LRP1B: variants seen among roughly 807,000 people sequenced by gnomAD.
LRP1B encodes low-density lipoprotein receptor-related protein 1B.
A neutral mutation model predicts 556.6 loss-of-function variants in LRP1B; 217 were observed. That is an observed-to-expected ratio of 0.39 (90% CI 0.35 to 0.44). The LOEUF (loss-of-function observed/expected upper bound fraction) is 0.44, where lower values mean the gene tolerates loss of function less well. LRP1B is among the 20% of genes least tolerant of loss of function. LRP1B has a pLI of 1.00. For missense variants in LRP1B, 5,053 were observed against 5,620.8 expected (o/e 0.90, Z 3.23); for synonymous variants, 2,047 against 1,865.8 (o/e 1.10, Z -2.50).
At chr2:141,187,048 A>C (rs1040959039) in intron 7 of LRP1B, among the ~76,000 whole-genome samples, 4 of 152,092 alleles carry the variant, frequency 2.6e-5, no homozygotes, top group Non-Finnish European at 4.4e-5. Flanking sequence ...ATTTCTCAAC[A>C]GGATGCCAAA....
intron 8 of LRP1B, among the ~76,000 whole-genome samples, chr2:141,059,876 C>T (rs1461403019): frequency 6.6e-6 from 1 of 151,730 alleles, no homozygotes; most frequent in Non-Finnish European, 1.5e-5. Flanking sequence ...GGCACCTTGC[C>T]TTTGGCTACT....
intron 3 of LRP1B, among the ~76,000 whole-genome samples, chr2:141,293,254 T>C (rs952589985): frequency 1.3e-5 from 2 of 152,146 alleles, no homozygotes; most frequent in African/African-American, 2.4e-5. Flanking sequence ...AACAAGTAGG[T>C]TGATATGACT....
intron 1 of LRP1B, among the ~76,000 whole-genome samples, chr2:142,009,612 G>A (rs965671680): frequency 3.3e-5 from 5 of 152,064 alleles, no homozygotes; most frequent in African/African-American, 4.8e-5. Context: ...AGCACACGCC[G>A]ATATATCTAA....
intron 4 of LRP1B, among the ~76,000 whole-genome samples, chr2:141,252,553 C>T (rs995833376): frequency 3.3e-5 from 5 of 152,162 alleles, no homozygotes; most frequent in Non-Finnish European, 5.9e-5. Flanking sequence ...TTGGTAAAGT[C>T]TGTCCCTGAT....
chr2:141,185,683 C>CAAAAAAAAAAAAAAAAAAAAAAA (rs148935362), intron 7 of LRP1B, among the ~76,000 whole-genome samples: 19 of 74,282 alleles, frequency 2.6e-4, no homozygotes, highest in East Asian at 5.6e-4. Flanking sequence ...GAAAAACAAA[C>CAAAAAAAAAAAAAAAAAAAAAAA]AAACAAAAAA....
chr2:141,449,856 CCT>C (rs1484972720), intron 3 of LRP1B, among the ~76,000 whole-genome samples: 1 of 152,102 alleles, frequency 6.6e-6, no homozygotes, highest in Non-Finnish European at 1.5e-5. Flanking sequence ...CAGATAATTA[CCT>C]GTTGTTGGAG....
At chr2:141,099,552 C>T (rs1021104219) in intron 7 of LRP1B, among the ~76,000 whole-genome samples, 1 of 152,190 alleles carries the variant, frequency 6.6e-6, no homozygotes, top group Non-Finnish European at 1.5e-5. Flanking sequence ...AATGTGCACA[C>T]GTGTGTTTGG....
At chr2:141,131,079 T>C (rs1004996400) in intron 7 of LRP1B, among the ~76,000 whole-genome samples, 7 of 152,062 alleles carry the variant, frequency 4.6e-5, no homozygotes, top group Non-Finnish European at 8.8e-5. Flanking sequence ...CAAACCACCA[T>C]GGCACAAGTA....
chr2:140,728,666 C>T (rs1187479353), intron 35 of LRP1B, among the ~76,000 whole-genome samples: 1 of 152,056 alleles, frequency 6.6e-6, no homozygotes, highest in African/African-American at 2.4e-5. Context: ...GCCTTCCCAA[C>T]AAATATGTTT....
intron 60 of LRP1B, among the ~76,000 whole-genome samples, chr2:140,468,164 C>A (rs1355843674): frequency 2.0e-5 from 3 of 152,166 alleles, no homozygotes; most frequent in Non-Finnish European, 2.9e-5. Flanking sequence ...CTCTTCCCCA[C>A]CTTTCAGTGT....
At position 140,435,740 on chromosome 2, in the gene LRP1B, G is replaced by A. The variant is rs185078178; in HGVS notation, c.10414+6764C>T. On this transcript the variant is annotated intron_variant, in intron 66 of 90. Transcript: ENST00000389484. ...TTTGGTGGAGAGTCAATGCACAAAA[G>A]TTACCAAAGGCATTGGATGAAAGCT... Among the ~76,000 whole-genome samples the A allele has an allele frequency of 3.8e-3, 579 of 151,332 alleles. 1 individual carries two copies. The highest frequency in any genetic ancestry group is 0.01 in the Middle Eastern group (3 of 286).
intron 1 of LRP1B, among the ~76,000 whole-genome samples, chr2:142,103,942 G>C (rs536420995): frequency 1.3e-5 from 2 of 152,230 alleles, no homozygotes; most frequent in East Asian, 3.9e-4. Context: ...TGTCTGATCA[G>C]TACTCTGGTG....
chr2:141,044,161 C>A (rs556276017), intron 11 of LRP1B, among the ~76,000 whole-genome samples: 2,041 of 151,684 alleles, frequency 0.013, 49 homozygotes, highest in African/African-American at 0.047. Flanking sequence ...GAAAAACAAG[C>A]AATGGGGAAA....
Position 141,270,635 on chromosome 2 carries a change from C to A in LRP1B, c.344-15994G>T, listed in dbSNP as rs368970653. On this transcript the variant is annotated intron_variant, in intron 3 of 90. Coordinates refer to ENST00000389484, the MANE Select transcript of LRP1B (RefSeq NM_018557.3). The stretch of plus-strand genomic sequence containing the variant: ...AAAAAGAAAATTCTGACATATGCTG[C>A]ATCATGGATACACCTAAAAGTCATT... Among the ~76,000 whole-genome samples, 3 of 152,132 alleles carry A rather than the reference C, an allele frequency of 2.0e-5. No homozygotes were observed. The East Asian group carries it at 5.8e-4, about 29-fold the overall frequency.
intron 1 of LRP1B, among the ~76,000 whole-genome samples, chr2:142,024,178 A>G (rs1030997865): frequency 4.6e-5 from 7 of 152,224 alleles, no homozygotes; most frequent in African/African-American, 7.2e-5. Flanking sequence ...TCAGTGTACG[A>G]GGAAGTAATT....
intron 86 of LRP1B, among the ~76,000 whole-genome samples, chr2:140,248,747 A>C (rs1206648030): frequency 6.6e-6 from 1 of 151,550 alleles, no homozygotes; most frequent in Admixed American, 6.6e-5. Context: ...TATTGTAATC[A>C]TTGACACAGT....
At chr2:140,682,802 C>G (rs947207103) in intron 41 of LRP1B, among the ~76,000 whole-genome samples, 10 of 151,854 alleles carry the variant, frequency 6.6e-5, no homozygotes, top group Admixed American at 6.6e-4. Context: ...AATGTTTAAC[C>G]TGAGACAAGA....
At chr2:140,668,896 C>T (rs1234507504) in intron 41 of LRP1B, among the ~76,000 whole-genome samples, 1 of 151,818 alleles carries the variant, frequency 6.6e-6, no homozygotes, top group Non-Finnish European at 1.5e-5. Context: ...AAATACGGGA[C>T]TAAAAATTGT....
At chr2:141,338,091 A>T (rs1236380702) in intron 3 of LRP1B, among the ~76,000 whole-genome samples, 1 of 152,144 alleles carries the variant, frequency 6.6e-6, no homozygotes, top group Admixed American at 6.6e-5. Flanking sequence ...GTCACTTTGA[A>T]GCCTTTGAAA....
Sources: allele counts gnomAD v4.1 joint callset (sites outside exome capture counted in the v4.1 genomes callset), GRCh38; gene constraint gnomAD v4.1.1; transcripts MANE v1.5; gene names NCBI Gene and HGNC (gene_info 2026-07-23, HGNC 2026-07-21).